Variants in MAS1 observed in about 807,000 individuals in gnomAD.
MAS1 encodes proto-oncogene Mas.
For missense variants in MAS1, 387 were observed against 409.7 expected (o/e 0.94, Z 0.48); for synonymous variants, 163 against 164.2 (o/e 0.99, Z 0.05).
rs142353056 is a variant in MAS1 at position 159,907,778 on chromosome 6, G to C, written c.823G>C (p.Ala275Pro). The C allele has an allele frequency of 1.2e-6, 2 of 1,613,242 alleles. No individual in the cohort carries two copies. Among genetic ancestry groups the C allele is most frequent in the African/African-American group, 1.3e-5 (1 of 74,648 alleles). ...SLLFSTINSS[A>P]NPFIYFFVGS... The stretch of plus-strand genomic sequence containing the variant: ...GCTCTTCTCCACAATCAACAGTAGC[G>C]CCAACCCTTTCATTTACTTCTTTGT... Residue 275 changes from alanine to proline, a missense_variant, in exon 3 of 3, where the codon GCC becomes CCC. Ala to Pro is a conservative substitution (Grantham distance 27). Coordinates refer to ENST00000674077, the MANE Select transcript of MAS1 (RefSeq NM_002377.4).
chr6:159,892,820 T>C (rs1201090677), intron 1 of MAS1, among the ~76,000 whole-genome samples: 3 of 152,178 alleles, frequency 2.0e-5, no homozygotes, highest in Non-Finnish European at 4.4e-5. Context: ...ATTATCTCAG[T>C]TTGGCATTTC....
rs901141874 is a variant in MAS1 at position 159,904,760 on chromosome 6, G to A, written c.-36-2160G>A. Among the ~76,000 whole-genome samples the A allele has an allele frequency of 2.6e-5, 4 of 152,172 alleles. 1 individual carries two copies. Among genetic ancestry groups the A allele is most frequent in the South Asian group, 4.1e-4 (2 of 4,828 alleles). On this transcript the variant is annotated intron_variant, in intron 2 of 2. Coordinates refer to ENST00000674077, the MANE Select transcript of MAS1 (RefSeq NM_002377.4). ...GTAAAAGCACCAGCCCACAAAGCCC[G>A]TTTGGACCTGGTCGCCAAAGACCCC...
At chr6:159,903,742 C>A (rs900170511) in intron 2 of MAS1, among the ~76,000 whole-genome samples, 1 of 152,162 alleles carries the variant, frequency 6.6e-6, no homozygotes, top group Non-Finnish European at 1.5e-5. Context: ...TGTGACTCCT[C>A]CCAGCTCTAG....
chr6:159,898,658 C>CCCTCTTCCTCCTCCCTCCTCCTCCCTCTT (rs1782787651), intron 1 of MAS1, among the ~76,000 whole-genome samples: 1 of 59,564 alleles, frequency 1.7e-5, no homozygotes, highest in Non-Finnish European at 3.4e-5. Context: ...TCCTCCTCCT[C>CCCTCTTCCTCCTCCCTCCTCCTCCCTCTT]CCTCCTCCTT....
chr6:159,898,655 C>T (rs1583211753), intron 1 of MAS1, among the ~76,000 whole-genome samples: 1 of 105,986 alleles, frequency 9.4e-6, no homozygotes, highest in South Asian at 3.5e-4. Context: ...TCTTCCTCCT[C>T]CTCCCTCCTC....
At chr6:159,906,874 A>T (rs986564990) in intron 2 of MAS1, 46 bp from the exon 3 acceptor site, 29 of 1,433,444 alleles carry the variant, frequency 2.0e-5, no homozygotes, top group African/African-American at 1.4e-5. Flanking sequence ...CAATTCAACA[A>T]TTTTCATGGC....
chr6:159,909,213 A>T lies in MAS1; in HGVS notation c.*1280A>T, dbSNP rs1040026153. ...TGAAGCCCGTCGCATAGCTATGTTT[A>T]TTTCCTTCTGTCCCTTCTAGGAGTT... is the stretch of plus-strand genomic sequence containing the variant. On this transcript the variant is annotated 3_prime_UTR_variant, in exon 3 of 3. Transcript: ENST00000674077. 1 of 151,860 alleles carries T rather than the reference A, an allele frequency of 6.6e-6. No individual in the cohort carries two copies. The highest frequency in any genetic ancestry group is 2.4e-5 in the African/African-American group (1 of 41,310). 9.4% of individuals were successfully genotyped at this position (151,860 alleles called of 1,614,324 possible). A position where few individuals can be genotyped will look rare whatever the true frequency, so the allele number is the denominator to read the frequency against.
chr6:159,907,949 T>A lies in MAS1; in HGVS notation c.*16T>A. The A allele has an allele frequency of 6.4e-7, 1 of 1,567,428 alleles. No homozygotes were observed. Among genetic ancestry groups the A allele is most frequent in the Non-Finnish European group, 8.6e-7 (1 of 1,157,698 alleles). ...TGTCGTCTAAGAACTGTGAGGGAAG[T>A]TGTGGATAAAAATGGTGGAACACAG... On this transcript the variant is annotated 3_prime_UTR_variant, in exon 3 of 3. Coordinates refer to ENST00000674077, the MANE Select transcript of MAS1 (RefSeq NM_002377.4).
chr6:159,892,605 T>G (rs1457712121), intron 1 of MAS1, among the ~76,000 whole-genome samples: 4 of 152,144 alleles, frequency 2.6e-5, no homozygotes, highest in African/African-American at 9.7e-5. Context: ...GCAGCATAAA[T>G]GTATGGCATT....
At position 159,907,351 on chromosome 6, in the gene MAS1, G is replaced by A. The variant is rs1243285572; in HGVS notation, c.396G>A (p.Leu132=). Residue 132 remains leucine (L), a synonymous_variant, in exon 3 of 3, where the codon CTG becomes CTA. Coordinates refer to ENST00000674077, the MANE Select transcript of MAS1 (RefSeq NM_002377.4). ...CGGCCATTAGTGTGGAGAGGTGCCT[G>A]TCAGTCCTTTACCCCATCTGGTACC... is the stretch of plus-strand genomic sequence containing the variant. ...LLTAISVERC[L]SVLYPIWYRC... 6.2e-7 allele frequency: 1 copy of A among 1,614,124 alleles called. No homozygotes were observed. Among genetic ancestry groups the A allele is most frequent in the South Asian group, 1.1e-5 (1 of 91,074 alleles).
chr6:159,916,329 C>CG lies in MAS1; in HGVS notation c.*8401dup, dbSNP rs1783022419. On this transcript the variant is annotated 3_prime_UTR_variant, in exon 3 of 3. Transcript: ENST00000674077. ...AGACAGAAGGTAGAATGGTGGTGGCCGGGGGCTGGAGGGAGGAGGGAGTGG... is the reference window on the plus strand; with the variant it reads ...AGACAGAAGGTAGAATGGTGGTGGCCGGGGGGCTGGAGGGAGGAGGGAGTGG... The CG allele has an allele frequency of 6.6e-6, 1 of 151,956 alleles. No individual in the cohort carries two copies. The highest frequency in any genetic ancestry group is 2.4e-5 in the African/African-American group (1 of 41,410). The allele number at this position is 151,956 out of a possible 1,614,324, so 9.4% of individuals were successfully genotyped here. A position where few individuals can be genotyped will look rare whatever the true frequency, so the allele number is the denominator to read the frequency against.
rs1246872885 is a variant in MAS1, at chr6:159,908,641, G to A, written c.*708G>A. ...GCTTGCAGCATGAAAGCATTTCATG[G>A]CATTACACCTCTATTGAAAAACATC... On this transcript the variant is annotated 3_prime_UTR_variant, in exon 3 of 3. Transcript: ENST00000674077. 6.6e-6 allele frequency: 1 copy of A among 151,726 alleles called. No individual in the cohort carries two copies. Among genetic ancestry groups the A allele is most frequent in the East Asian group, 1.9e-4 (1 of 5,178 alleles). 9.4% of individuals were successfully genotyped at this position (151,726 alleles called of 1,614,324 possible).
intron 2 of MAS1, among the ~76,000 whole-genome samples, chr6:159,900,991 T>C (rs1050423950): frequency 6.6e-6 from 1 of 152,230 alleles, no homozygotes; most frequent in African/African-American, 2.4e-5. Context: ...CTGACAGTTC[T>C]GGAGGCCAGA....
upstream of MAS1, among the ~76,000 whole-genome samples, chr6:159,890,907 C>T (rs1168843727): frequency 6.6e-6 from 1 of 152,214 alleles, no homozygotes; most frequent in African/African-American, 2.4e-5. Flanking sequence ...CTGAATGATG[C>T]CATTGGAAGC....
At position 159,909,342 on chromosome 6, in the gene MAS1, G is replaced by A. The variant is rs1782938703; in HGVS notation, c.*1409G>A. ...ATTTTAACCATTTGCTCTTTAAAAG[G>A]TCAGAGAGGCAGTGATGTAATTGTT... On this transcript the variant is annotated 3_prime_UTR_variant, in exon 3 of 3. Coordinates refer to ENST00000674077, the MANE Select transcript of MAS1 (RefSeq NM_002377.4). 1 of 152,166 alleles carries A rather than the reference G, an allele frequency of 6.6e-6. No individual in the cohort carries two copies. 9.4% of individuals were successfully genotyped at this position (152,166 alleles called of 1,614,324 possible).
At position 159,907,772 on chromosome 6, in the gene MAS1, A is replaced by T; in HGVS notation, c.817A>T (p.Ser273Cys). The change falls in exon 3 of 3, where the codon AGT becomes TGT. Residue 273 changes from serine (S) to cysteine (C), a missense_variant. Coordinates refer to ENST00000674077, the MANE Select transcript of MAS1 (RefSeq NM_002377.4). Reference protein sequence around the residue: ...HISLLFSTINSSANPFIYFFV... With the variant: ...HISLLFSTINCSANPFIYFFV... ...TTCCCTGCTCTTCTCCACAATCAAC[A>T]GTAGCGCCAACCCTTTCATTTACTT... is the stretch of plus-strand genomic sequence containing the variant. 1 of 1,613,718 alleles carries T rather than the reference A, an allele frequency of 6.2e-7. No homozygotes were observed. The highest frequency in any genetic ancestry group is 8.5e-7 in the Non-Finnish European group (1 of 1,179,962).
chr6:159,890,216 T>A (rs1782681112), upstream of MAS1, among the ~76,000 whole-genome samples: 1 of 152,170 alleles, frequency 6.6e-6, no homozygotes, highest in Non-Finnish European at 1.5e-5. Context: ...TTTTTGGTTT[T>A]TAAAAGGTAG....
intron 2 of MAS1, chr6:159,906,662 A>G (rs1038028292): frequency 3.3e-6 from 1 of 299,922 alleles, no homozygotes; most frequent in Non-Finnish European, 6.2e-6. Context: ...CAAGCACACA[A>G]TGATATAGAA....
intron 2 of MAS1, among the ~76,000 whole-genome samples, chr6:159,905,892 A>C (rs1055021528): frequency 1.3e-5 from 2 of 152,150 alleles, no homozygotes; most frequent in Non-Finnish European, 2.9e-5. Context: ...AATACAAAAA[A>C]TTAGCCAGGC....
Sources: gnomAD v4.1 joint callset for allele counts (sites outside exome capture counted in the v4.1 genomes callset) on GRCh38, gnomAD v4.1.1 for gene constraint, MANE v1.5 for transcripts, NCBI Gene and HGNC (gene_info 2026-07-23, HGNC 2026-07-21) for gene names.